DPP6: variants seen among roughly 807,000 people sequenced by gnomAD.
DPP6 encodes A-type potassium channel modulatory protein DPP6.
DPP6 carries 69 observed loss-of-function variants against 122.6 expected under a neutral mutation model. The ratio of observed to expected loss-of-function variants is 0.56; its 90% CI spans 0.46 to 0.69. The LOEUF is 0.69. Among genes scored for constraint, DPP6 ranks in the 30% least tolerant of loss-of-function variants. DPP6 has a pLI of 0.00. For missense variants in DPP6, 928 were observed against 1,116.9 expected (o/e 0.83, Z 2.41); for synonymous variants, 418 against 433.1 (o/e 0.97, Z 0.43).
intron 6 of DPP6, among the ~76,000 whole-genome samples, chr7:154,654,362 T>TA (rs1681981962): frequency 2.0e-5 from 3 of 149,992 alleles, no homozygotes; most frequent in Non-Finnish European, 4.5e-5. Flanking sequence ...GATCCATCTT[T>TA]AGTGAGTGGA....
chr7:154,065,802 G>T (rs1158025303), intron 1 of DPP6, among the ~76,000 whole-genome samples: 4 of 151,956 alleles, frequency 2.6e-5, no homozygotes, highest in Admixed American at 2.0e-4. Context: ...TCAGGGACTG[G>T]GTTTTCCTCA....
intron 1 of DPP6, among the ~76,000 whole-genome samples, chr7:154,159,278 G>A (rs1796854247): frequency 6.6e-6 from 1 of 152,110 alleles, no homozygotes; most frequent in African/African-American, 2.4e-5. Context: ...TGTTTCTTCA[G>A]TTCCACCAAA....
intron 1 of DPP6, among the ~76,000 whole-genome samples, chr7:154,415,639 A>G (rs1157451704): frequency 1.3e-5 from 2 of 151,506 alleles, no homozygotes; most frequent in African/African-American, 4.9e-5. Flanking sequence ...TGGGCTCAGT[A>G]TGATGTAGGT....
intron 1 of DPP6, among the ~76,000 whole-genome samples, chr7:154,060,887 AC>A (rs1255274426): frequency 7.4e-6 from 1 of 135,888 alleles, no homozygotes; most frequent in African/African-American, 2.7e-5. Flanking sequence ...GTGGGGAGGC[AC>A]CCCCCACGAG....
At position 154,241,748 on chromosome 7, in the gene DPP6, T is replaced by C. The variant is rs1021497815; in HGVS notation, c.243+188685T>C. 1.3e-5 allele frequency among the ~76,000 whole-genome samples: 2 copies of C among 152,144 alleles called. No individual in the cohort carries two copies. Among genetic ancestry groups the C allele is most frequent in the Non-Finnish European group, 2.9e-5 (2 of 68,036 alleles). Reference sequence around the variant, plus strand: ...ACACGTGTCTAACCTGTTTCCCATATTATGTTTTAAGTTTAAAAAGATTGT... The same window carrying C: ...ACACGTGTCTAACCTGTTTCCCATACTATGTTTTAAGTTTAAAAAGATTGT... On this transcript the variant is annotated intron_variant, in intron 1 of 25. Coordinates refer to ENST00000377770, the MANE Select transcript of DPP6 (RefSeq NM_130797.4). The surrounding 1 kb of genome is among the most constrained non-coding windows in gnomAD (Gnocchi z 9.0).
chr7:154,520,333 T>G (rs1327005419), intron 3 of DPP6, among the ~76,000 whole-genome samples: 1 of 152,262 alleles, frequency 6.6e-6, no homozygotes, highest in Non-Finnish European at 1.5e-5. Flanking sequence ...AAATGGCTGC[T>G]CTAGCTCCAG....
At chr7:154,842,375 T>G (rs1313376454) in intron 16 of DPP6, among the ~76,000 whole-genome samples, 1 of 152,246 alleles carries the variant, frequency 6.6e-6, no homozygotes, top group African/African-American at 2.4e-5. Context: ...TTTTTTTATT[T>G]ATTCTGATGA....
chr7:153,781,977 T>TACACACACAC, the DPP6 span, among the ~76,000 whole-genome samples: 173 of 89,520 alleles, frequency 1.9e-3, 1 homozygote, highest in African/African-American at 7.1e-3. Context: ...CCCCAGAGAA[T>TACACACACAC]ACACACACAC....
chr7:154,777,211 G>A (rs1245193563), intron 10 of DPP6, among the ~76,000 whole-genome samples: 3 of 152,198 alleles, frequency 2.0e-5, no homozygotes, highest in African/African-American at 7.2e-5. Flanking sequence ...GGCCTGGACA[G>A]CTTGTAGCCA....
chr7:154,457,158 GAAGGA>G, intron 2 of DPP6, among the ~76,000 whole-genome samples: 1 of 74,660 alleles, frequency 1.3e-5, no homozygotes. Flanking sequence ...AAAAGTGGGC[GAAGGA>G]CATGAACAGA....
At chr7:154,759,319 T>C (rs930313336) in intron 8 of DPP6, among the ~76,000 whole-genome samples, 2 of 152,188 alleles carry the variant, frequency 1.3e-5, no homozygotes, top group African/African-American at 4.8e-5. Flanking sequence ...CTCCTTCACA[T>C]CAGCAGGCAA....
chr7:154,528,405 A>G (rs917494393), intron 3 of DPP6, among the ~76,000 whole-genome samples: 1 of 152,212 alleles, frequency 6.6e-6, no homozygotes, highest in Non-Finnish European at 1.5e-5. Context: ...AAGAAACACC[A>G]TGCCTACGCC....
At chr7:154,761,402 G>A (rs529277188) in intron 8 of DPP6, among the ~76,000 whole-genome samples, 102 of 152,330 alleles carry the variant, frequency 6.7e-4, no homozygotes, top group South Asian at 2.1e-3. Flanking sequence ...CATAGAAGGT[G>A]GTGTTCAGAG....
chr7:154,054,034 TC>T (rs1291852554), intron 1 of DPP6, among the ~76,000 whole-genome samples: 9 of 147,842 alleles, frequency 6.1e-5, no homozygotes, highest in Non-Finnish European at 1.0e-4. Flanking sequence ...CCCGACAGGC[TC>T]TCAGAGAAAC....
At chr7:153,858,651 A>G in the DPP6 span, among the ~76,000 whole-genome samples, 3 of 152,232 alleles carry the variant, frequency 2.0e-5, no homozygotes, top group Non-Finnish European at 4.4e-5. Flanking sequence ...TGTGTGAGCA[A>G]TTAAATCCAC....
chr7:153,946,839 G>A (rs1005289307), intron 1 of DPP6, among the ~76,000 whole-genome samples: 2 of 152,166 alleles, frequency 1.3e-5, no homozygotes, highest in African/African-American at 4.8e-5. Context: ...CAAAAAGATG[G>A]AGAATTTTAG....
At position 154,872,528 on chromosome 7, in the gene DPP6, C is replaced by G; in HGVS notation, c.1814-96C>G. ...TGTGGGCTTCCCCTCAGGCCCCACC[C>G]AGAGCACCCTCACCCCCACGGTCAC... On this transcript the variant is annotated intron_variant, in intron 18 of 25. Coordinates refer to ENST00000377770, the MANE Select transcript of DPP6 (RefSeq NM_130797.4). 2 of 1,502,640 alleles carry G rather than the reference C, an allele frequency of 1.3e-6. 1 individual carries two copies. The allele number at this position is 1,502,640 out of a possible 1,614,324, so 93.1% of individuals were successfully genotyped here.
intron 1 of DPP6, among the ~76,000 whole-genome samples, chr7:154,326,551 A>C (rs971545660): frequency 6.6e-5 from 10 of 152,202 alleles, no homozygotes; most frequent in Admixed American, 1.3e-4. Flanking sequence ...GGGAGACCTC[A>C]TCCTCATCCT....
chr7:154,884,325 C>T (rs1805874841), intron 21 of DPP6: 1 of 148,662 alleles, frequency 6.7e-6, no homozygotes, highest in African/African-American at 2.5e-5. Context: ...CACACATGCT[C>T]ACACAATTAC....
Sources: allele counts gnomAD v4.1 joint callset (sites outside exome capture counted in the v4.1 genomes callset), GRCh38; gene constraint gnomAD v4.1.1; non-coding constraint Gnocchi (gnomAD v3.1); transcripts MANE v1.5; gene names NCBI Gene and HGNC (gene_info 2026-07-23, HGNC 2026-07-21).